SOAT1: variants seen among roughly 807,000 people sequenced by gnomAD.
SOAT1 encodes sterol O-acyltransferase 1.
SOAT1 carries 55 observed loss-of-function variants against 69.5 expected under a neutral mutation model. The ratio of observed to expected loss-of-function variants is 0.79; its 90% CI spans 0.64 to 0.99. The LOEUF is 0.99. Among genes scored for constraint, SOAT1 ranks in the 50% least tolerant of loss-of-function variants. The pLI, the probability that SOAT1 is intolerant of heterozygous loss-of-function variation, is 0.00. For missense variants in SOAT1, 580 were observed against 669.3 expected, an observed-to-expected ratio of 0.87 and a Z score of 1.47; for synonymous variants, 231 against 224.7, an observed-to-expected ratio of 1.03 and a Z score of -0.25.
chr1:179,358,101 G>A lies in SOAT1; in HGVS notation c.*4460G>A, dbSNP rs1416152828. On this transcript the variant is annotated 3_prime_UTR_variant, in exon 16 of 16. Coordinates refer to ENST00000367619, the MANE Select transcript of SOAT1 (RefSeq NM_003101.6). ...AGCTTTAGGTTGGTAGGAAAGCTAT[G>A]TAATCTATATAGTGTACTAAATCCT... 1 of 152,168 alleles carries A rather than the reference G, an allele frequency of 6.6e-6. No individual in the cohort carries two copies. Among genetic ancestry groups the A allele is most frequent in the African/African-American group, 2.4e-5 (1 of 41,448 alleles). The allele number at this position is 152,168 out of a possible 1,614,324, so 9.4% of individuals were successfully genotyped here.
At chr1:179,307,107 A>G (rs922459012) in intron 2 of SOAT1, among the ~76,000 whole-genome samples, 10 of 152,194 alleles carry the variant, frequency 6.6e-5, no homozygotes. Flanking sequence ...GGCAGTTGTG[A>G]GTGAAAACAC....
rs142821895 is a variant in SOAT1 at position 179,341,248 on chromosome 1, A to G, written c.718A>G (p.Thr240Ala). 784 of 1,614,136 alleles carry G rather than the reference A, an allele frequency of 4.9e-4. 15 individuals carry two copies. The South Asian group carries it at 7.9e-3, about 16-fold the overall frequency. Reference sequence around the variant, plus strand: ...GATTGGAGTTCTAGGTTTTGGACCAACATATGTTGTGTTAGCATATACACT... The same window carrying G: ...GATTGGAGTTCTAGGTTTTGGACCAGCATATGTTGTGTTAGCATATACACT... ...FQIGVLGFGPTYVVLAYTLPP... is the reference protein window; with the variant it reads ...FQIGVLGFGPAYVVLAYTLPP... Residue 240 changes from threonine to alanine, a missense_variant, in exon 7 of 16, where the codon ACA (threonine) becomes GCA (alanine). Transcript: ENST00000367619.
chr1:179,344,966 A>C lies in SOAT1; in HGVS notation c.1007A>C (p.Tyr336Ser), dbSNP rs968954376. ...TTCCAGGTCTTTGGTTGCTTTTTCT[A>C]TGTGTACTACATCTTTGAAAGGCTT... ...KFAQVFGCFF[Y>S]VYYIFERLCA... Residue 336 changes from tyrosine (Y) to serine (S), a missense_variant, in exon 11 of 16, where the codon TAT becomes TCT. Physicochemically the swap from Tyr to Ser is moderately radical, Grantham distance 144. Transcript: ENST00000367619. 2 of 1,613,976 alleles carry C rather than the reference A, an allele frequency of 1.2e-6. No individual in the cohort carries two copies. The highest frequency in any genetic ancestry group is 8.5e-7 in the Non-Finnish European group (1 of 1,179,952).
At chr1:179,332,631 A>G (rs1435347420) in intron 3 of SOAT1, among the ~76,000 whole-genome samples, 1 of 152,160 alleles carries the variant, frequency 6.6e-6, no homozygotes, top group Non-Finnish European at 1.5e-5. Context: ...GCTGCATGAA[A>G]TTAATATCAG....
intron 13 of SOAT1, among the ~76,000 whole-genome samples, chr1:179,349,192 A>T (rs1666637478): frequency 6.6e-6 from 1 of 152,136 alleles, no homozygotes; most frequent in South Asian, 2.1e-4. Flanking sequence ...CTTACATAAC[A>T]AAGTAAGAAT....
Position 179,357,628 on chromosome 1 carries a change from T to C in SOAT1, c.*3987T>C, listed in dbSNP as rs1462962940. The C allele has an allele frequency of 6.6e-6, 1 of 152,280 alleles. No homozygotes were observed. Among genetic ancestry groups the C allele is most frequent in the Non-Finnish European group, 1.5e-5 (1 of 68,092 alleles). 9.4% of individuals were successfully genotyped at this position (152,280 alleles called of 1,614,324 possible). On this transcript the variant is annotated 3_prime_UTR_variant, in exon 16 of 16. Coordinates refer to ENST00000367619, the MANE Select transcript of SOAT1 (RefSeq NM_003101.6). ...GTTACATATCGCTGGGTGTAGTGGC[T>C]CATGCCTTTAATCCCAGTACTTTGG...
At chr1:179,347,199 A>T (rs1313923974) in intron 11 of SOAT1, among the ~76,000 whole-genome samples, 1 of 152,098 alleles carries the variant, frequency 6.6e-6, no homozygotes, top group Non-Finnish European at 1.5e-5. Context: ...TCTACTAAAA[A>T]TACAAAAAAT....
At chr1:179,312,593 G>C (rs7543894) in intron 2 of SOAT1, among the ~76,000 whole-genome samples, 75,456 of 151,998 alleles carry the variant, frequency 0.5, 19,716 homozygotes, top group East Asian at 0.84. Context: ...GGAGACTGAC[G>C]TTAAGAACTG....
chr1:179,349,043 A>G, intron 13 of SOAT1, 101 bp downstream of exon 13: 1 of 708,598 alleles, frequency 1.4e-6, no homozygotes, highest in Non-Finnish European at 2.5e-6. Context: ...TTAATTGCTC[A>G]TGAGGAAAGG....
intron 8 of SOAT1, among the ~76,000 whole-genome samples, 189 bp downstream of exon 8, chr1:179,342,381 T>C (rs942516590): frequency 2.5e-4 from 38 of 151,826 alleles, no homozygotes; most frequent in African/African-American, 8.2e-4. Context: ...GTTTAAAGGA[T>C]TATTGGCTGG....
intron 1 of SOAT1, among the ~76,000 whole-genome samples, chr1:179,301,859 C>T (rs1664840797): frequency 6.6e-6 from 1 of 152,168 alleles, no homozygotes; most frequent in Admixed American, 6.5e-5. Context: ...GCACAGTTCT[C>T]ATCCTTCAAG....
In SOAT1 at chr1:179,302,689, TG is replaced by T. The variant is rs1664872844; in HGVS notation, c.8del (p.Gly3ValfsTer7). M[V>X]GEEKMSLRNR... ...CCTTCTTTCCTAGACAATACAATGG[TG>T]GGTGAAGAGAAGATGTCTCTAAGAA... is the stretch of plus-strand genomic sequence containing the variant. On this transcript the variant is annotated frameshift_variant, in exon 2 of 16. Coordinates refer to ENST00000367619, the MANE Select transcript of SOAT1 (RefSeq NM_003101.6). LOFTEE classifies it high-confidence loss of function. 1 of 1,593,504 alleles carries T rather than the reference TG, an allele frequency of 6.3e-7. No homozygotes were observed. The highest frequency in any genetic ancestry group is 1.4e-5 in the African/African-American group (1 of 73,338).
intron 3 of SOAT1, among the ~76,000 whole-genome samples, chr1:179,329,847 C>T (rs1410426053): frequency 2.0e-5 from 3 of 152,076 alleles, no homozygotes; most frequent in Admixed American, 6.6e-5. Context: ...TTGGGTTTTG[C>T]TGTAATAGTG....
intron 2 of SOAT1, among the ~76,000 whole-genome samples, chr1:179,315,469 TA>T (rs559321401): frequency 2.1e-3 from 304 of 142,446 alleles, no homozygotes; most frequent in South Asian, 3.1e-3. Flanking sequence ...GAACCTGTCT[TA>T]AAAAAAAAAA....
chr1:179,352,811 A>G (rs1666780492), intron 15 of SOAT1, among the ~76,000 whole-genome samples: 1 of 150,938 alleles, frequency 6.6e-6, no homozygotes, highest in Admixed American at 6.6e-5. Flanking sequence ...GGCTGCCTCA[A>G]CTCTCCCTCT....
At chr1:179,336,228 C>T (rs965031887) in intron 4 of SOAT1, among the ~76,000 whole-genome samples, 5 of 150,634 alleles carry the variant, frequency 3.3e-5, no homozygotes, top group African/African-American at 9.8e-5. Flanking sequence ...TTTGGGAGGG[C>T]GAGGCGGGTG....
intron 2 of SOAT1, among the ~76,000 whole-genome samples, chr1:179,311,416 A>C (rs1665216523): frequency 9.1e-6 from 1 of 110,352 alleles, no homozygotes; most frequent in Non-Finnish European, 2.0e-5. Flanking sequence ...TTTGGAGGCC[A>C]TAATGTCTTC....
At chr1:179,337,795 C>T (rs750593098) in intron 4 of SOAT1, 42 bp from the exon 5 acceptor site, 3 of 1,388,860 alleles carry the variant, frequency 2.2e-6, no homozygotes, top group Non-Finnish European at 2.0e-6. Context: ...TCTTATAATA[C>T]TTGAAGTACT....
chr1:179,342,918 CT>C lies in SOAT1; in HGVS notation c.918del (p.Ile307SerfsTer12). ...TTTGTACTTCTTATTTGCTCCTACC[CT>C]TATCTACCGTGACAGCTATCCCAGG... ...QYLYFLFAPT[L>X]IYRDSYPRNP... On this transcript the variant is annotated frameshift_variant, in exon 9 of 16. Coordinates refer to ENST00000367619, the MANE Select transcript of SOAT1 (RefSeq NM_003101.6). LOFTEE classifies it high-confidence loss of function. The C allele has an allele frequency of 6.2e-7, 1 of 1,613,668 alleles. No homozygotes were observed. The highest frequency in any genetic ancestry group is 8.5e-7 in the Non-Finnish European group (1 of 1,179,602).
Sources: gnomAD v4.1 joint callset for allele counts (sites outside exome capture counted in the v4.1 genomes callset) on GRCh38, gnomAD v4.1.1 for gene constraint, MANE v1.5 for transcripts, NCBI Gene and HGNC (gene_info 2026-07-23, HGNC 2026-07-21) for gene names.